Variants in MAD1L1 observed in about 807,000 individuals in gnomAD.
MAD1L1 encodes mitotic arrest deficient 1 like 1, also known as mitotic spindle assembly checkpoint protein MAD1.
In MAD1L1, 95 loss-of-function variants were observed where a neutral mutation model predicts 96.9. That is an observed-to-expected ratio of 0.98 (90% CI 0.83 to 1.16). The LOEUF is 1.16. Ranked by LOEUF, MAD1L1 falls within the 50% of genes most tolerant of loss-of-function variation. The probability of loss-of-function intolerance (pLI) is 0.00; values close to 1 mark genes in which losing one functional copy is unlikely to be tolerated. For missense variants in MAD1L1, 1,007 were observed against 954.4 expected, an observed-to-expected ratio of 1.06 and a Z score of -0.73; for synonymous variants, 473 against 396.6, an observed-to-expected ratio of 1.19 and a Z score of -2.29.
chr7:1,914,429 G>C (rs1228137621), intron 17 of MAD1L1, among the ~76,000 whole-genome samples: 2 of 152,238 alleles, frequency 1.3e-5, no homozygotes, highest in Non-Finnish European at 2.9e-5. Context: ...ATCCGAAGAT[G>C]TGCGCTCCGG....
chr7:1,913,135 G>A (rs981774585), intron 17 of MAD1L1, among the ~76,000 whole-genome samples: 1 of 152,182 alleles, frequency 6.6e-6, no homozygotes. Flanking sequence ...AGATGTGGCA[G>A]TCTATGAAAA....
chr7:2,126,424 C>A (rs1299543678), intron 11 of MAD1L1, among the ~76,000 whole-genome samples: 1 of 152,186 alleles, frequency 6.6e-6, no homozygotes, highest in Non-Finnish European at 1.5e-5. Flanking sequence ...CCACTGGAGG[C>A]CCCCAGCCTG....
intron 11 of MAD1L1, among the ~76,000 whole-genome samples, chr7:2,091,681 C>G (rs1029293023): frequency 2.6e-5 from 4 of 151,072 alleles, no homozygotes; most frequent in Non-Finnish European, 4.4e-5. Flanking sequence ...GAGGCTGAGG[C>G]AGAAGAATGG....
chr7:2,108,891 A>G lies in MAD1L1; in HGVS notation c.1074-39553T>C, dbSNP rs188746567. ...CCACGATCAGTTCCATCCCTTCTTCACTGGCACATCTCTGAGGCAGCTCCT... is the reference window on the plus strand; with the variant it reads ...CCACGATCAGTTCCATCCCTTCTTCGCTGGCACATCTCTGAGGCAGCTCCT... On this transcript the variant is annotated intron_variant, in intron 11 of 18. Transcript: ENST00000265854. Among the ~76,000 whole-genome samples the G allele has an allele frequency of 6.9e-3, 1,048 of 152,260 alleles. 3 individuals carry two copies. Among genetic ancestry groups the G allele is most frequent in the Non-Finnish European group, 9.0e-3 (614 of 68,000 alleles).
intron 14 of MAD1L1, among the ~76,000 whole-genome samples, chr7:1,986,248 C>G (rs1216003203): frequency 6.6e-6 from 1 of 152,220 alleles, no homozygotes; most frequent in Non-Finnish European, 1.5e-5. Context: ...TTCTGTCTGC[C>G]ACAGATGCGG....
chr7:1,856,426 G>A (rs541969602), intron 18 of MAD1L1, among the ~76,000 whole-genome samples: 43 of 152,348 alleles, frequency 2.8e-4, no homozygotes, highest in African/African-American at 9.1e-4. Flanking sequence ...GGCCCCTGCC[G>A]GGGTTGGGGG....
intron 18 of MAD1L1, among the ~76,000 whole-genome samples, chr7:1,840,923 C>G (rs1373454615): frequency 1.3e-5 from 2 of 152,244 alleles, no homozygotes; most frequent in Non-Finnish European, 2.9e-5. Context: ...AGAGGCCACG[C>G]AGGCCAAGCC....
intron 10 of MAD1L1, among the ~76,000 whole-genome samples, chr7:2,159,165 G>A (rs370301822): frequency 7.9e-5 from 12 of 152,184 alleles, no homozygotes; most frequent in African/African-American, 2.2e-4. Flanking sequence ...AAAGGCCCAC[G>A]CAGCAGCAAA....
chr7:1,956,479 C>T (rs1779733319), intron 16 of MAD1L1, among the ~76,000 whole-genome samples: 1 of 152,212 alleles, frequency 6.6e-6, no homozygotes, highest in African/African-American at 2.4e-5. Flanking sequence ...TCTGCTTCCC[C>T]AGGACCACCA....
intron 7 of MAD1L1, 43 bp from the exon 8 acceptor site, chr7:2,216,330 CG>C: frequency 6.3e-7 from 1 of 1,595,032 alleles, no homozygotes; most frequent in Non-Finnish European, 8.5e-7. Context: ...AAATGAGCCA[CG>C]AAGAGACCTG....
chr7:1,955,566 C>T (rs1483451360), intron 16 of MAD1L1, among the ~76,000 whole-genome samples: 1 of 152,240 alleles, frequency 6.6e-6, no homozygotes, highest in African/African-American at 2.4e-5. Context: ...ACTGGGATTA[C>T]AGGCGTGAGC....
intron 16 of MAD1L1, among the ~76,000 whole-genome samples, chr7:1,943,620 G>A (rs1240759326): frequency 6.6e-6 from 1 of 152,158 alleles, no homozygotes; most frequent in East Asian, 1.9e-4. Flanking sequence ...CAACACGTTG[G>A]TGAGGATGGG....
Position 1,815,887 on chromosome 7 carries a change from G to A in MAD1L1, c.*183C>T, listed in dbSNP as rs116850045. On this transcript the variant is annotated 3_prime_UTR_variant, in exon 19 of 19. Transcript: ENST00000265854. The stretch of plus-strand genomic sequence containing the variant: ...GCTCCGGGACGCATGGGGTCTGCAC[G>A]TGGAGAGGGTGCTGGCCGCCCCAGC... 15,631 of 658,988 alleles carry A rather than the reference G, an allele frequency of 0.024. 312 individuals carry two copies. The highest frequency in any genetic ancestry group is 0.079 in the Admixed American group (2,600 of 32,824). The allele number at this position is 658,988 out of a possible 1,614,324, so 40.8% of individuals were successfully genotyped here.
chr7:1,994,539 C>T (rs6951409), intron 14 of MAD1L1, among the ~76,000 whole-genome samples: 6,332 of 152,270 alleles, frequency 0.042, 442 homozygotes, highest in African/African-American at 0.14. Flanking sequence ...GAGCGCCCAC[C>T]GGGTCTCACA....
At chr7:2,034,249 C>T (rs1584140809) in intron 12 of MAD1L1, among the ~76,000 whole-genome samples, 1 of 148,666 alleles carries the variant, frequency 6.7e-6, no homozygotes, top group Non-Finnish European at 1.5e-5. Flanking sequence ...GACGGAGTCT[C>T]GCTGTCGCCC....
chr7:1,914,453 G>A (rs1342748810), intron 17 of MAD1L1, among the ~76,000 whole-genome samples: 5 of 152,238 alleles, frequency 3.3e-5, no homozygotes, highest in Non-Finnish European at 7.3e-5. Context: ...TGAGGGTGGA[G>A]GAAAGGCCGT....
intron 13 of MAD1L1, among the ~76,000 whole-genome samples, chr7:2,009,529 G>C (rs1401694556): frequency 6.6e-6 from 1 of 152,196 alleles, no homozygotes; most frequent in Non-Finnish European, 1.5e-5. Flanking sequence ...GCACACCACA[G>C]GGTCCCCACA....
At chr7:1,961,285 G>A (rs944908928) in intron 15 of MAD1L1, among the ~76,000 whole-genome samples, 2 of 152,194 alleles carry the variant, frequency 1.3e-5, no homozygotes, top group African/African-American at 4.8e-5. Flanking sequence ...AATGGACCTA[G>A]AATAGAGAAA....
At chr7:2,090,556 C>G (rs1314892077) in intron 11 of MAD1L1, among the ~76,000 whole-genome samples, 1 of 152,164 alleles carries the variant, frequency 6.6e-6, no homozygotes, top group African/African-American at 2.4e-5. Context: ...CGTCCTTGTT[C>G]CTTCCCAGGG....
Sources: allele counts gnomAD v4.1 joint callset (sites outside exome capture counted in the v4.1 genomes callset), GRCh38; gene constraint gnomAD v4.1.1; transcripts MANE v1.5; gene names NCBI Gene and HGNC (gene_info 2026-07-23, HGNC 2026-07-21).